NEO1: variants seen among roughly 807,000 people sequenced by gnomAD.
The protein encoded by NEO1 is neogenin 1.
A neutral mutation model predicts 159.7 loss-of-function variants in NEO1; 63 were observed. The ratio of observed to expected loss-of-function variants is 0.39; its 90% CI spans 0.32 to 0.49. The LOEUF (loss-of-function observed/expected upper bound fraction) is 0.49. Ranked by LOEUF, NEO1 falls within the 20% of genes least tolerant of loss-of-function variation. The pLI is 0.85. For synonymous variants in NEO1, 633 were observed against 662.0 expected (o/e 0.96, Z 0.67); for missense variants, 1,615 against 1,831.0 (o/e 0.88, Z 2.15).
chr15:73,239,974 G>A (rs554294690), intron 8 of NEO1, among the ~76,000 whole-genome samples: 1 of 152,258 alleles, frequency 6.6e-6, no homozygotes, highest in Admixed American at 6.5e-5. Context: ...GCGTCAGTAA[G>A]TACCAGTAGA....
chr15:73,136,062 T>C (rs1198817028), intron 5 of NEO1, 35 bp downstream of exon 5: 6 of 1,559,434 alleles, frequency 3.8e-6, no homozygotes, highest in African/African-American at 2.8e-5. Context: ...TTAAAAATCC[T>C]GTGTACTTTC....
chr15:73,082,528 T>C (rs1209157907), intron 1 of NEO1, among the ~76,000 whole-genome samples: 1 of 152,038 alleles, frequency 6.6e-6, no homozygotes, highest in Non-Finnish European at 1.5e-5. Flanking sequence ...AACAGTAATA[T>C]GAAGTTCACA....
chr15:73,219,041 C>T (rs914523383), intron 7 of NEO1, among the ~76,000 whole-genome samples: 10 of 150,552 alleles, frequency 6.6e-5, no homozygotes, highest in African/African-American at 2.4e-4. Context: ...ATCTTTCCTG[C>T]TTTCTCTTGT....
chr15:73,116,716 C>T lies in NEO1; in HGVS notation c.307C>T (p.Leu103Phe). ...CTTAGTATCAGATGATCGACGCCAG[C>T]TTCTCCCGGATGGATCTTTATTTAT... is the stretch of plus-strand genomic sequence containing the variant. ...LNLVSDDRRQ[L>F]LPDGSLFISN... The change falls in exon 2 of 29, where the codon CTT (leucine) becomes TTT (phenylalanine). Residue 103 changes from leucine to phenylalanine, a missense_variant. Physicochemically the swap from Leu to Phe is conservative, Grantham distance 22. Coordinates refer to ENST00000261908, the MANE Select transcript of NEO1 (RefSeq NM_002499.4). The T allele has an allele frequency of 6.2e-7, 1 of 1,613,984 alleles. No individual in the cohort carries two copies. Among genetic ancestry groups the T allele is most frequent in the Non-Finnish European group, 8.5e-7 (1 of 1,179,932 alleles).
intron 4 of NEO1, among the ~76,000 whole-genome samples, chr15:73,130,414 A>G (rs1175907712): frequency 6.6e-6 from 1 of 151,954 alleles, no homozygotes; most frequent in Non-Finnish European, 1.5e-5. Flanking sequence ...CCTACTAGGC[A>G]CAAACAAAAA....
At chr15:73,295,921 G>A (rs2042346982) in intron 26 of NEO1, among the ~76,000 whole-genome samples, 1 of 152,216 alleles carries the variant, frequency 6.6e-6, no homozygotes, top group African/African-American at 2.4e-5. Context: ...AAGTCAGTCA[G>A]GAAGTAGCCC....
intron 5 of NEO1, among the ~76,000 whole-genome samples, chr15:73,171,985 T>C (rs1366407450): frequency 2.6e-5 from 4 of 152,130 alleles, no homozygotes; most frequent in Admixed American, 6.5e-5. Context: ...ATCATGGTTA[T>C]GTTTAGAAAT....
At chr15:73,208,983 T>A (rs2037396833) in intron 7 of NEO1, among the ~76,000 whole-genome samples, 1 of 152,210 alleles carries the variant, frequency 6.6e-6, no homozygotes, top group African/African-American at 2.4e-5. Context: ...ATATAGTTCT[T>A]TCTCTGAGTC....
At chr15:73,292,872 T>C (rs922133214) in intron 25 of NEO1, among the ~76,000 whole-genome samples, 1 of 152,220 alleles carries the variant, frequency 6.6e-6, no homozygotes, top group Non-Finnish European at 1.5e-5. Context: ...TAAATACCCA[T>C]TAAATGCTTC....
At chr15:73,075,210 G>A (rs767329623) in intron 1 of NEO1, among the ~76,000 whole-genome samples, 4 of 152,254 alleles carry the variant, frequency 2.6e-5, no homozygotes, top group African/African-American at 4.8e-5. Context: ...TAAATAGAAC[G>A]TCCAGCAGCC....
intron 1 of NEO1, among the ~76,000 whole-genome samples, chr15:73,058,763 G>A (rs768827204): frequency 6.6e-6 from 1 of 152,146 alleles, no homozygotes; most frequent in Non-Finnish European, 1.5e-5. Context: ...GAAAGGTTAA[G>A]CTAATTAATA....
chr15:73,272,361 G>A, intron 18 of NEO1, 94 bp from the exon 19 acceptor site: 1 of 803,832 alleles, frequency 1.2e-6, no homozygotes. Flanking sequence ...TTTGCCTTGT[G>A]CCCTTTATTT....
intron 7 of NEO1, among the ~76,000 whole-genome samples, chr15:73,200,979 G>A (rs1268170359): frequency 2.6e-5 from 4 of 152,018 alleles, no homozygotes; most frequent in African/African-American, 9.7e-5. Context: ...AGCGGGCCTG[G>A]CCTTCCTTTA....
At chr15:73,146,122 A>G (rs2032875773) in intron 5 of NEO1, among the ~76,000 whole-genome samples, 1 of 152,152 alleles carries the variant, frequency 6.6e-6, no homozygotes, top group South Asian at 2.1e-4. Flanking sequence ...TTAGCTGTGC[A>G]TTAATTATGC....
At chr15:73,064,549 C>T (rs2068117259) in intron 1 of NEO1, among the ~76,000 whole-genome samples, 1 of 152,186 alleles carries the variant, frequency 6.6e-6, no homozygotes, top group East Asian at 1.9e-4. Flanking sequence ...ACTGTAATCT[C>T]TGCCTCTTGG....
At chr15:73,231,403 G>C (rs12902768) in intron 7 of NEO1, among the ~76,000 whole-genome samples, 61,149 of 151,978 alleles carry the variant, frequency 0.4, 13,791 homozygotes, top group Admixed American at 0.51. Flanking sequence ...CAGTAAGCCT[G>C]CTGTTTGTCT....
In NEO1 at chr15:73,233,019, G is replaced by A. The variant is rs144031284; in HGVS notation, c.1292-3328G>A. Among the ~76,000 whole-genome samples, 371 of 152,144 alleles carry A rather than the reference G, an allele frequency of 2.4e-3. 3 individuals are homozygous for A. Among genetic ancestry groups the A allele is most frequent in the African/African-American group, 7.5e-3 (311 of 41,492 alleles). ...TTCCAGTTTTTGACAGTTTTTTTCC[G>A]CTTTATAGTTGCTTTGGGGGAAGAG... is the stretch of plus-strand genomic sequence containing the variant. On this transcript the variant is annotated intron_variant, in intron 7 of 28. Transcript: ENST00000261908.
chr15:73,157,560 C>T (rs569533356), intron 5 of NEO1, among the ~76,000 whole-genome samples: 199 of 152,334 alleles, frequency 1.3e-3, no homozygotes, highest in African/African-American at 4.3e-3. Context: ...TCACCCTCTC[C>T]CCTACTGGGG....
chr15:73,217,835 A>T (rs1029893850), intron 7 of NEO1, among the ~76,000 whole-genome samples: 34 of 152,310 alleles, frequency 2.2e-4, no homozygotes, highest in Admixed American at 1.8e-3. Context: ...GGTTGAGACA[A>T]TGGGGTTTTC....
Sources: gnomAD v4.1 joint callset for allele counts (sites outside exome capture counted in the v4.1 genomes callset) on GRCh38, gnomAD v4.1.1 for gene constraint, MANE v1.5 for transcripts, NCBI Gene and HGNC (gene_info 2026-07-23, HGNC 2026-07-21) for gene names.